The following STX8 variants were observed in gnomAD, a reference collection of about 807,000 sequenced individuals.
STX8 encodes syntaxin-8.
Under a neutral mutation model 37.5 loss-of-function variants are expected in STX8, and 23 were observed. That is an observed-to-expected ratio of 0.61 (90% confidence interval 0.44 to 0.87). The LOEUF (loss-of-function observed/expected upper bound fraction) is 0.87. STX8 is among the 40% of genes least tolerant of loss of function. STX8 has a pLI of 0.00. For synonymous variants in STX8, 115 were observed against 99.1 expected (o/e 1.16, Z -0.95); for missense variants, 313 against 284.7 (o/e 1.10, Z -0.71).
intron 4 of STX8, among the ~76,000 whole-genome samples, chr17:9,506,565 GCCTCT>G (rs1412396076): frequency 6.6e-6 from 1 of 152,130 alleles, no homozygotes; most frequent in Non-Finnish European, 1.5e-5. Context: ...AAGGCCCCCA[GCCTCT>G]GTGGCCCCAT....
intron 6 of STX8, among the ~76,000 whole-genome samples, chr17:9,484,152 T>C (rs1263350523): frequency 1.3e-5 from 2 of 152,186 alleles, no homozygotes; most frequent in Admixed American, 1.3e-4. Context: ...TTCATATTCA[T>C]TAATTTAACA....
chr17:9,269,186 C>CAA (rs34395133), intron 7 of STX8, among the ~76,000 whole-genome samples: 4 of 124,098 alleles, frequency 3.2e-5, no homozygotes, highest in Non-Finnish European at 5.3e-5. Flanking sequence ...GACTCCGTCT[C>CAA]AAAAAAAAAA....
At chr17:9,318,378 G>T (rs1400757231) in intron 7 of STX8, among the ~76,000 whole-genome samples, 2 of 150,076 alleles carry the variant, frequency 1.3e-5, no homozygotes, top group African/African-American at 4.9e-5. Flanking sequence ...ACATGTGGAA[G>T]ACTCTTGTTA....
chr17:9,384,941 C>T (rs1005122937), intron 6 of STX8, among the ~76,000 whole-genome samples: 2 of 140,628 alleles, frequency 1.4e-5, no homozygotes, highest in African/African-American at 2.7e-5. Context: ...CTTTTCTCTC[C>T]ATACCAAAAA....
At chr17:9,424,076 C>G (rs897136588) in intron 6 of STX8, among the ~76,000 whole-genome samples, 2 of 152,132 alleles carry the variant, frequency 1.3e-5, no homozygotes, top group African/African-American at 4.8e-5. Context: ...AAACTGCCAC[C>G]TACCCCAGGC....
chr17:9,340,721 A>G (rs557399712), intron 7 of STX8, among the ~76,000 whole-genome samples: 1 of 120,860 alleles, frequency 8.3e-6, no homozygotes, highest in African/African-American at 3.2e-5. Flanking sequence ...GCAATGGCGT[A>G]ATCTGGGCTG....
chr17:9,312,629 A>G (rs1316935648), intron 7 of STX8, among the ~76,000 whole-genome samples: 1 of 152,220 alleles, frequency 6.6e-6, no homozygotes, highest in Non-Finnish European at 1.5e-5. Context: ...AAATCACGCA[A>G]GCTGGACTGA....
rs191023295 is a variant in STX8, at chr17:9,561,193, C to T, written c.118-3665G>A. Among the ~76,000 whole-genome samples the T allele has an allele frequency of 1.9e-4, 29 of 152,110 alleles. No homozygotes were observed. In the East Asian group the frequency reaches 3.1e-3, roughly 16 times the overall value. On this transcript the variant is annotated intron_variant, in intron 2 of 7. Coordinates refer to ENST00000306357, the MANE Select transcript of STX8 (RefSeq NM_004853.3). ...CCTTTTTAAGCATGATATCCCCTCC[C>T]CCGTTAGAAAAGATCACCAACAAAC...
intron 6 of STX8, among the ~76,000 whole-genome samples, chr17:9,423,470 C>G (rs982704583): frequency 1.9e-4 from 29 of 152,148 alleles, no homozygotes; most frequent in African/African-American, 7.0e-4. Context: ...GGATTACAGG[C>G]ATGCGCCACC....
At chr17:9,448,040 C>T (rs906818127) in intron 6 of STX8, among the ~76,000 whole-genome samples, 4 of 151,658 alleles carry the variant, frequency 2.6e-5, no homozygotes, top group South Asian at 2.1e-4. Flanking sequence ...CTGGGCATGG[C>T]GGTGTGCGCC....
intron 6 of STX8, among the ~76,000 whole-genome samples, chr17:9,431,965 C>G (rs1367335506): frequency 6.6e-6 from 1 of 152,122 alleles, no homozygotes; most frequent in Non-Finnish European, 1.5e-5. Context: ...TCACTTCAAT[C>G]TCCTTGTTTT....
intron 6 of STX8, among the ~76,000 whole-genome samples, chr17:9,386,144 G>A (rs1237952940): frequency 2.8e-5 from 4 of 144,692 alleles, no homozygotes; most frequent in Non-Finnish European, 1.5e-5. Context: ...AATATACATA[G>A]CAACCTTATT....
At chr17:9,552,469 C>T (rs2151914085) in intron 3 of STX8, among the ~76,000 whole-genome samples, 2 of 152,204 alleles carry the variant, frequency 1.3e-5, no homozygotes, top group Admixed American at 1.3e-4. Flanking sequence ...GTTTGAAAAC[C>T]ACTTCACCTC....
chr17:9,415,314 T>C (rs528917502), intron 6 of STX8, among the ~76,000 whole-genome samples: 4 of 152,238 alleles, frequency 2.6e-5, no homozygotes, highest in African/African-American at 2.4e-5. Flanking sequence ...GATCCTTCAC[T>C]TGATGTTGAC....
At chr17:9,510,644 C>T (rs1020797381) in intron 4 of STX8, among the ~76,000 whole-genome samples, 6 of 151,898 alleles carry the variant, frequency 4.0e-5, no homozygotes, top group Admixed American at 1.3e-4. Context: ...AAGTGTATAA[C>T]AATAAATGCC....
At chr17:9,543,300 G>GT (rs34779697) in intron 4 of STX8, among the ~76,000 whole-genome samples, 90,308 of 148,552 alleles carry the variant, frequency 0.61, 28,121 homozygotes, top group East Asian at 0.83. Flanking sequence ...CAGTTTTTTG[G>GT]TTTTTTTTTT....
intron 5 of STX8, 107 bp from the exon 6 acceptor site, chr17:9,492,028 A>G: frequency 1.4e-6 from 1 of 698,762 alleles, no homozygotes; most frequent in Non-Finnish European, 2.2e-6. Flanking sequence ...ATCAGTCAGG[A>G]AAAAAAAGAG....
At chr17:9,461,391 C>T (rs1487309527) in intron 6 of STX8, 5 of 152,140 alleles carry the variant, frequency 3.3e-5, no homozygotes, top group African/African-American at 1.2e-4. Context: ...CACCTACCAC[C>T]ACCCTAGATT....
intron 2 of STX8, among the ~76,000 whole-genome samples, chr17:9,562,601 GAAAAAA>G (rs748400596): frequency 0.13 from 6,338 of 49,344 alleles, 127 homozygotes; most frequent in East Asian, 0.23. Flanking sequence ...ACAGTTCACA[GAAAAAA>G]AAAAAAATAT....
Sources: allele counts gnomAD v4.1 joint callset (sites outside exome capture counted in the v4.1 genomes callset), GRCh38; gene constraint gnomAD v4.1.1; transcripts MANE v1.5; gene names NCBI Gene and HGNC (gene_info 2026-07-23, HGNC 2026-07-21).